The following CNTLN variants were observed in gnomAD, a reference collection of about 807,000 sequenced individuals.
CNTLN encodes the protein centlein.
Under a neutral mutation model 180.0 loss-of-function variants are expected in CNTLN, and 212 were observed. That is an observed-to-expected ratio of 1.18 (90% CI 1.05 to 1.32). CNTLN has a LOEUF of 1.32. CNTLN is among the 40% of genes most tolerant of loss of function. The probability of loss-of-function intolerance (pLI) is 0.00; values close to 1 mark genes in which losing one functional copy is unlikely to be tolerated. For synonymous variants in CNTLN, 722 were observed against 563.1 expected (o/e 1.28, Z -3.99); for missense variants, 2,095 against 1,610.9 (o/e 1.30, Z -5.14).
At chr9:17,209,964 A>C (rs1270467910) in intron 2 of CNTLN, among the ~76,000 whole-genome samples, 2 of 152,232 alleles carry the variant, frequency 1.3e-5, no homozygotes, top group Non-Finnish European at 2.9e-5. Context: ...TCCAATATTT[A>C]ACAGTTTTAA....
At chr9:17,194,824 A>C (rs1194327666) in intron 2 of CNTLN, among the ~76,000 whole-genome samples, 1 of 152,222 alleles carries the variant, frequency 6.6e-6, no homozygotes, top group Admixed American at 6.5e-5. Context: ...AAGAAGTTTA[A>C]TTGGACTTAC....
chr9:17,212,855 G>T (rs1823431611), intron 2 of CNTLN, among the ~76,000 whole-genome samples: 1 of 152,174 alleles, frequency 6.6e-6, no homozygotes, highest in African/African-American at 2.4e-5. Flanking sequence ...TGTGTTTATA[G>T]TATTCTCTGA....
chr9:17,159,466 G>C (rs964125110), intron 2 of CNTLN, among the ~76,000 whole-genome samples: 1 of 152,128 alleles, frequency 6.6e-6, no homozygotes, highest in Admixed American at 6.5e-5. Context: ...GCCTCTCCTG[G>C]CATGACACCC....
chr9:17,198,794 T>G (rs1187407412), intron 2 of CNTLN, among the ~76,000 whole-genome samples: 1 of 151,902 alleles, frequency 6.6e-6, no homozygotes, highest in Non-Finnish European at 1.5e-5. Flanking sequence ...GTTTTCTGTT[T>G]CTGTTTTAGT....
chr9:17,203,271 T>G (rs1003806161), intron 2 of CNTLN, among the ~76,000 whole-genome samples: 3 of 152,162 alleles, frequency 2.0e-5, no homozygotes, highest in African/African-American at 7.2e-5. Flanking sequence ...ACTTAACATT[T>G]TTTCCTTCAT....
chr9:17,211,114 A>C (rs1162774775), intron 2 of CNTLN, among the ~76,000 whole-genome samples: 1 of 152,020 alleles, frequency 6.6e-6, no homozygotes, highest in Non-Finnish European at 1.5e-5. Flanking sequence ...GGTGTTTTAG[A>C]CATGAAGTCC....
At chr9:17,484,616 A>G (rs1013431085) in intron 24 of CNTLN, 136 bp downstream of exon 24, 1 of 671,346 alleles carries the variant, frequency 1.5e-6, no homozygotes. Flanking sequence ...TAAAGTGCCA[A>G]TGAAAGATAC....
At chr9:17,524,060 A>T in the CNTLN span, among the ~76,000 whole-genome samples, 2 of 152,252 alleles carry the variant, frequency 1.3e-5, no homozygotes, top group Non-Finnish European at 2.9e-5. Flanking sequence ...GACTATTTGT[A>T]AATTGACAAC....
intron 5 of CNTLN, among the ~76,000 whole-genome samples, chr9:17,268,639 G>T (rs1225024431): frequency 6.6e-6 from 1 of 152,260 alleles, no homozygotes; most frequent in Middle Eastern, 3.4e-3. Context: ...GCCCCCAGAG[G>T]TGGAGCCTAC....
At position 17,457,708 on chromosome 9, in the gene CNTLN, A is replaced by T. The variant is rs755690071; in HGVS notation, c.3299A>T (p.Lys1100Ile). The change falls in exon 19 of 26, where the codon AAA (lysine) becomes ATA (isoleucine). Residue 1100 changes from lysine (K) to isoleucine (I), a missense_variant. Lys to Ile is a moderately radical substitution (Grantham distance 102). Coordinates refer to ENST00000380647, the MANE Select transcript of CNTLN (RefSeq NM_017738.4). ...MDLEMKQLQY[K>I]LKNATNELTK... is the part of the protein sequence containing the mutation. ...TTGGAAATGAAGCAATTGCAGTATAAACTAAAGGTGATTATAAAATTTATT... is the reference window on the plus strand; with the variant it reads ...TTGGAAATGAAGCAATTGCAGTATATACTAAAGGTGATTATAAAATTTATT... 1.3e-5 allele frequency: 19 copies of T among 1,449,534 alleles called. No individual in the cohort carries two copies. In the South Asian group the frequency reaches 2.9e-4, roughly 22 times the overall value. The allele number at this position is 1,449,534 out of a possible 1,614,324, so 89.8% of individuals were successfully genotyped here. A position where few individuals can be genotyped will look rare whatever the true frequency, so the allele number is the denominator to read the frequency against.
chr9:17,377,052 C>T (rs1370434830), intron 13 of CNTLN, among the ~76,000 whole-genome samples: 1 of 152,122 alleles, frequency 6.6e-6, no homozygotes, highest in African/African-American at 2.4e-5. Context: ...GTTTCCTCCT[C>T]ATCTTGAGTT....
chr9:17,189,343 A>C (rs1821648003), intron 2 of CNTLN, among the ~76,000 whole-genome samples: 1 of 150,922 alleles, frequency 6.6e-6, no homozygotes, highest in African/African-American at 2.4e-5. Context: ...CAGCCTCCCA[A>C]AGTTCTGGGA....
At chr9:17,292,791 C>T (rs1829500472) in intron 6 of CNTLN, among the ~76,000 whole-genome samples, 1 of 152,102 alleles carries the variant, frequency 6.6e-6, no homozygotes, top group African/African-American at 2.4e-5. Flanking sequence ...CCTTCTGAGG[C>T]CTACTTGTGT....
At position 17,298,130 on chromosome 9, in the gene CNTLN, T is replaced by C. The variant is rs181389046; in HGVS notation, c.984-60T>C. 1.2e-5 allele frequency: 16 copies of C among 1,330,718 alleles called. No individual in the cohort carries two copies. The Admixed American group carries it at 4.7e-4, about 39-fold the overall frequency. 82.4% of individuals were successfully genotyped at this position (1,330,718 alleles called of 1,614,324 possible). ...AATCTGTAACCTTAGATGAACACAA[T>C]TATTTAACTGAGATGATCTTTATCC... On this transcript the variant is annotated intron_variant, in intron 6 of 25. Coordinates refer to ENST00000380647, the MANE Select transcript of CNTLN (RefSeq NM_017738.4).
rs1831783677 is a variant in CNTLN at position 17,466,885 on chromosome 9, T to A, written c.3849T>A (p.Phe1283Leu). 1.2e-6 allele frequency: 2 copies of A among 1,607,488 alleles called. No homozygotes were observed. Among genetic ancestry groups the A allele is most frequent in the Non-Finnish European group, 1.7e-6 (2 of 1,176,004 alleles). Residue 1283 changes from phenylalanine to leucine, a missense_variant, in exon 23 of 26, where the codon TTT becomes TTA. Coordinates refer to ENST00000380647, the MANE Select transcript of CNTLN (RefSeq NM_017738.4). ...ANEKVEEFTTFVKALAKELQN... is the reference protein window; with the variant it reads ...ANEKVEEFTTLVKALAKELQN... ...AAAAAGTAGAAGAGTTCACCACATTTGTGAAGGTTTGAATTACTTGTCGTT... is the reference window on the plus strand; with the variant it reads ...AAAAAGTAGAAGAGTTCACCACATTAGTGAAGGTTTGAATTACTTGTCGTT...
At chr9:17,201,611 G>GT (rs1379762138) in intron 2 of CNTLN, among the ~76,000 whole-genome samples, 1 of 152,202 alleles carries the variant, frequency 6.6e-6, no homozygotes, top group African/African-American at 2.4e-5. Context: ...AGATTTTCTA[G>GT]TTTTTTTGCG....
At chr9:17,254,745 T>G (rs201364990) in intron 5 of CNTLN, among the ~76,000 whole-genome samples, 3 of 138,370 alleles carry the variant, frequency 2.2e-5, no homozygotes, top group African/African-American at 8.4e-5. Context: ...TATTGTTGTT[T>G]TTCAGAATTG....
At chr9:17,155,047 G>A (rs896100455) in intron 2 of CNTLN, among the ~76,000 whole-genome samples, 2 of 151,900 alleles carry the variant, frequency 1.3e-5, no homozygotes, top group Admixed American at 6.6e-5. Context: ...CTCTGGATGC[G>A]CCACCTTTAA....
intron 20 of CNTLN, among the ~76,000 whole-genome samples, chr9:17,463,758 G>T (rs1831586346): frequency 6.6e-6 from 1 of 151,556 alleles, no homozygotes; most frequent in Non-Finnish European, 1.5e-5. Flanking sequence ...CAGGGCTCTA[G>T]ATTAACACTC....
Sources: gnomAD v4.1 joint callset for allele counts (sites outside exome capture counted in the v4.1 genomes callset) on GRCh38, gnomAD v4.1.1 for gene constraint, MANE v1.5 for transcripts, NCBI Gene and HGNC (gene_info 2026-07-23, HGNC 2026-07-21) for gene names.